Variants in CDKL4 observed in about 807,000 individuals in gnomAD.
The protein encoded by CDKL4 is cyclin-dependent kinase-like 4.
A neutral mutation model predicts 42.0 loss-of-function variants in CDKL4; 44 were observed. The ratio of observed to expected loss-of-function variants is 1.05; its 90% confidence interval spans 0.82 to 1.35. CDKL4 has a LOEUF of 1.35. Ranked by LOEUF, CDKL4 falls within the 40% of genes most tolerant of loss-of-function variation. CDKL4 has a pLI of 0.00. For synonymous variants in CDKL4, 120 were observed against 121.6 expected (o/e 0.99, Z 0.09); for missense variants, 393 against 369.9 (o/e 1.06, Z -0.51).
At chr2:39,225,257 G>A (rs1054387821) in intron 3 of CDKL4, among the ~76,000 whole-genome samples, 5 of 151,844 alleles carry the variant, frequency 3.3e-5, no homozygotes, top group Non-Finnish European at 5.9e-5. Context: ...AAAATTAGCC[G>A]GGCATGGTGG....
downstream of CDKL4, among the ~76,000 whole-genome samples, chr2:39,174,726 T>G (rs1377742008): frequency 2.6e-5 from 4 of 152,218 alleles, no homozygotes; most frequent in East Asian, 7.7e-4. Context: ...ATATCACTGA[T>G]TGCGCCTTTT....
chr2:39,175,003 A>G (rs1034461730), downstream of CDKL4, among the ~76,000 whole-genome samples: 4 of 152,214 alleles, frequency 2.6e-5, no homozygotes, highest in African/African-American at 7.2e-5. Flanking sequence ...AAATATCCCA[A>G]AGTAAATTCA....
At chr2:39,239,254 G>GA (rs1295457529) in intron 1 of CDKL4, among the ~76,000 whole-genome samples, 1,468 of 141,806 alleles carry the variant, frequency 0.01, 26 homozygotes, top group African/African-American at 0.033. Context: ...ATAACTTCTA[G>GA]AAAAAAAAAA....
intron 1 of CDKL4, among the ~76,000 whole-genome samples, chr2:39,236,308 G>A (rs1361000544): frequency 2.0e-5 from 3 of 152,092 alleles, no homozygotes; most frequent in Admixed American, 6.6e-5. Flanking sequence ...AGAGACCGAT[G>A]GAGGCAAAAT....
chr2:39,232,501 C>T (rs1400861919), intron 1 of CDKL4, among the ~76,000 whole-genome samples: 1 of 152,130 alleles, frequency 6.6e-6, no homozygotes, highest in Non-Finnish European at 1.5e-5. Context: ...AAACCAAATG[C>T]CTTCTCTTCT....
At chr2:39,183,224 G>A (rs1026584936) in intron 8 of CDKL4, among the ~76,000 whole-genome samples, 7 of 151,712 alleles carry the variant, frequency 4.6e-5, no homozygotes. Context: ...AGGTTACAGT[G>A]AGCGGAGAAC....
chr2:39,235,169 C>T (rs1392977175), intron 1 of CDKL4, among the ~76,000 whole-genome samples: 1 of 152,154 alleles, frequency 6.6e-6, no homozygotes, highest in Non-Finnish European at 1.5e-5. Context: ...TGAGCCTCCA[C>T]ACCCAGCTGA....
rs1677204514 is a variant in CDKL4, at chr2:39,206,542, GT to G, written c.364-1926del. Among the ~76,000 whole-genome samples, 4 of 152,304 alleles carry G rather than the reference GT, an allele frequency of 2.6e-5. No homozygotes were observed. In the South Asian group the frequency reaches 8.3e-4, roughly 32 times the overall value. ...GCGCACATGGGCATTCCAGAAATGG[GT>G]TTCCATGTTGCGGAGGTGCTGTGAG... On this transcript the variant is annotated intron_variant, in intron 4 of 9. Coordinates refer to ENST00000451199, the Ensembl canonical transcript of CDKL4.
intron 8 of CDKL4, among the ~76,000 whole-genome samples, chr2:39,183,941 C>T (rs1474573996): frequency 1.3e-5 from 2 of 152,186 alleles, no homozygotes; most frequent in East Asian, 3.8e-4. Flanking sequence ...CAAATGGCCC[C>T]ACCGTCTAGA....
At chr2:39,243,187 C>G (rs1679751814) in intron 1 of CDKL4, among the ~76,000 whole-genome samples, 1 of 18,770 alleles carries the variant, frequency 5.3e-5, no homozygotes, top group African/African-American at 6.1e-5. Context: ...GAAGATCAGG[C>G]CATATCAGTT....
At chr2:39,215,674 G>T (rs1425152942) in intron 3 of CDKL4, among the ~76,000 whole-genome samples, 1 of 152,120 alleles carries the variant, frequency 6.6e-6, no homozygotes, top group East Asian at 1.9e-4. Flanking sequence ...CAGAACAGTG[G>T]GAAGGCCTAG....
intron 1 of CDKL4, among the ~76,000 whole-genome samples, chr2:39,230,042 T>C (rs1679000890): frequency 6.6e-6 from 1 of 152,142 alleles, no homozygotes; most frequent in Non-Finnish European, 1.5e-5. Flanking sequence ...TTCCACCTGG[T>C]GGAGAGAAGA....
At chr2:39,220,335 T>TCTCCCCACCTCCC (rs1277683883) in intron 3 of CDKL4, among the ~76,000 whole-genome samples, 1 of 151,918 alleles carries the variant, frequency 6.6e-6, no homozygotes, top group African/African-American at 2.4e-5. Flanking sequence ...TCAAGCCTCC[T>TCTCCCCACCTCCC]CTCCCCACCT....
At chr2:39,245,316 T>C (rs1055442293), upstream of CDKL4, among the ~76,000 whole-genome samples, 2 of 151,970 alleles carry the variant, frequency 1.3e-5, no homozygotes, top group African/African-American at 4.8e-5. Context: ...TTAAGAGCTG[T>C]AACACTCACC....
rs766147022 is a variant in CDKL4 at position 39,204,627 on chromosome 2, C to T, written c.364-10G>A. 7.4e-7 allele frequency: 1 copy of T among 1,347,536 alleles called. No homozygotes were observed. Among genetic ancestry groups the T allele is most frequent in the Non-Finnish European group, 1.1e-6 (1 of 947,546 alleles). 83.5% of individuals were successfully genotyped at this position (1,347,536 alleles called of 1,614,324 possible). On this transcript the variant is annotated splice_polypyrimidine_tract_variant and intron_variant, in intron 4 of 9. Coordinates refer to ENST00000451199, the Ensembl canonical transcript of CDKL4. ...TATCTCTGTGAATACACTGTAAGAT[C>T]ATTATTTGATTATTTTTCTGAACCA...
At chr2:39,209,699 T>C (rs533924174) in intron 4 of CDKL4, among the ~76,000 whole-genome samples, 1 of 152,300 alleles carries the variant, frequency 6.6e-6, no homozygotes, top group African/African-American at 2.4e-5. Flanking sequence ...GGATCTCGAC[T>C]CTGGAGATGA....
intron 3 of CDKL4, among the ~76,000 whole-genome samples, chr2:39,222,669 A>G (rs1678448990): frequency 6.6e-6 from 1 of 152,156 alleles, no homozygotes. Flanking sequence ...GATTAAAATG[A>G]GAAGAACATG....
At chr2:39,244,429 G>A (rs2148418376), upstream of CDKL4, among the ~76,000 whole-genome samples, 1 of 152,368 alleles carries the variant, frequency 6.6e-6, no homozygotes, top group Middle Eastern at 3.4e-3. Context: ...GCCAGCGGCT[G>A]CAGAAGGTGT....
At chr2:39,213,340 A>G in intron 4 of CDKL4, 60 bp downstream of exon 4, 1 of 1,117,078 alleles carries the variant, frequency 9.0e-7, no homozygotes, top group Non-Finnish European at 1.3e-6. Flanking sequence ...ACCCTGAGCT[A>G]TTTAGAAGAA....
Sources: gnomAD v4.1 joint callset for allele counts (sites outside exome capture counted in the v4.1 genomes callset) on GRCh38, gnomAD v4.1.1 for gene constraint, MANE v1.5 for transcripts, NCBI Gene and HGNC (gene_info 2026-07-23, HGNC 2026-07-21) for gene names.